The following CTNND2 variants were observed in gnomAD, a reference collection of about 807,000 sequenced individuals.
The protein encoded by CTNND2 is catenin delta-2.
Under a neutral mutation model 144.4 loss-of-function variants are expected in CTNND2, and 22 were observed. The ratio of observed to expected loss-of-function variants is 0.15; its 90% confidence interval spans 0.11 to 0.22. The LOEUF (loss-of-function observed/expected upper bound fraction) is 0.22. Ranked by LOEUF, CTNND2 falls within the 10% of genes least tolerant of loss-of-function variation. The probability of loss-of-function intolerance (pLI) is 1.00; values close to 1 mark genes in which losing one functional copy is unlikely to be tolerated. For synonymous variants in CTNND2, 751 were observed against 695.6 expected (o/e 1.08, Z -1.25); for missense variants, 1,353 against 1,618.8 (o/e 0.84, Z 2.82).
intron 2 of CTNND2, among the ~76,000 whole-genome samples, chr5:11,676,925 C>G (rs1396515132): frequency 6.6e-6 from 1 of 152,172 alleles, no homozygotes; most frequent in African/African-American, 2.4e-5. Context: ...GTTTACCAAA[C>G]ATTTCTCAAA....
chr5:11,204,763 A>T (rs1195156670), intron 10 of CTNND2, among the ~76,000 whole-genome samples: 1 of 152,216 alleles, frequency 6.6e-6, no homozygotes, highest in Non-Finnish European at 1.5e-5. Flanking sequence ...GGATAAAAAA[A>T]TACTTTAAAC....
Position 11,183,929 on chromosome 5 carries a change from C to T in CTNND2, c.1975+15519G>A, listed in dbSNP as rs995183590. On this transcript the variant is annotated intron_variant, in intron 11 of 21. Coordinates refer to ENST00000304623, the MANE Select transcript of CTNND2 (RefSeq NM_001332.4). ...TCTCTGTCCCTCCCTCTTTCTCTTT[C>T]TCTCAAACTCTTTTCTTTCATTACC... is the stretch of plus-strand genomic sequence containing the variant. 2.0e-5 allele frequency among the ~76,000 whole-genome samples: 3 copies of T among 152,112 alleles called. No individual in the cohort carries two copies. The East Asian group carries it at 5.8e-4, about 29-fold the overall frequency.
At chr5:11,673,497 A>G (rs1003777459) in intron 2 of CTNND2, among the ~76,000 whole-genome samples, 5 of 152,210 alleles carry the variant, frequency 3.3e-5, no homozygotes, top group African/African-American at 1.2e-4. Flanking sequence ...GTAAATGATT[A>G]TGCATAAGTT....
At chr5:11,283,295 T>A (rs528674552) in intron 9 of CTNND2, among the ~76,000 whole-genome samples, 4 of 152,222 alleles carry the variant, frequency 2.6e-5, no homozygotes, top group African/African-American at 9.6e-5. Flanking sequence ...GACCACTGTT[T>A]TTGGTATTTT....
chr5:11,228,373 A>C (rs1017703098), intron 10 of CTNND2, among the ~76,000 whole-genome samples: 2 of 149,192 alleles, frequency 1.3e-5, no homozygotes. Flanking sequence ...AAAAAAAAAA[A>C]AAAAAACAAA....
intron 15 of CTNND2, among the ~76,000 whole-genome samples, chr5:11,087,961 T>G (rs1385265097): frequency 6.6e-6 from 1 of 152,198 alleles, no homozygotes; most frequent in African/African-American, 2.4e-5. Flanking sequence ...AGAGGAAGCA[T>G]TCACTGAAGA....
chr5:11,814,955 G>C (rs1792546278), intron 1 of CTNND2, among the ~76,000 whole-genome samples: 1 of 152,146 alleles, frequency 6.6e-6, no homozygotes, highest in Non-Finnish European at 1.5e-5. Flanking sequence ...TATTTTAGTA[G>C]TAAATGCAAT....
At chr5:11,794,462 A>G (rs1791297872) in intron 1 of CTNND2, among the ~76,000 whole-genome samples, 2 of 152,216 alleles carry the variant, frequency 1.3e-5, no homozygotes, top group Non-Finnish European at 2.9e-5. Context: ...CCTTAGATCA[A>G]TGAGAGCGCA....
In CTNND2 at chr5:10,973,856, G is replaced by A; in HGVS notation, c.3418-143C>T. ...ACTGTGGCCCTGCTTCTCCAAAACT[G>A]CCAACTGTCATTGGCTTTCCTTTTG... On this transcript the variant is annotated intron_variant, in intron 21 of 21. Coordinates refer to ENST00000304623, the MANE Select transcript of CTNND2 (RefSeq NM_001332.4). This position sits in a 1 kb window ranked among gnomAD's most constrained non-coding sequence, Gnocchi z 5.6. 1 of 889,650 alleles carries A rather than the reference G, an allele frequency of 1.1e-6. No individual in the cohort carries two copies. The highest frequency in any genetic ancestry group is 1.6e-6 in the Non-Finnish European group (1 of 619,968). 55.1% of individuals were successfully genotyped at this position (889,650 alleles called of 1,614,324 possible). A position where few individuals can be genotyped will look rare whatever the true frequency, so the allele number is the denominator to read the frequency against.
At chr5:11,300,741 T>C (rs1749505717) in intron 9 of CTNND2, among the ~76,000 whole-genome samples, 1 of 152,154 alleles carries the variant, frequency 6.6e-6, no homozygotes, top group African/African-American at 2.4e-5. Flanking sequence ...ATCTTGTATT[T>C]TATCTGGCTA....
intron 2 of CTNND2, among the ~76,000 whole-genome samples, chr5:11,615,389 T>C (rs1398906971): frequency 6.6e-6 from 1 of 152,222 alleles, no homozygotes; most frequent in Non-Finnish European, 1.5e-5. Flanking sequence ...TTTTCCCCTA[T>C]TAATTGAATT....
intron 1 of CTNND2, among the ~76,000 whole-genome samples, chr5:11,754,497 G>C (rs1788807085): frequency 6.6e-6 from 1 of 151,390 alleles, no homozygotes; most frequent in African/African-American, 2.4e-5. Flanking sequence ...GTGTGGAGTT[G>C]AGGTCCCAAA....
At chr5:11,724,536 A>C (rs1786893691) in intron 2 of CTNND2, among the ~76,000 whole-genome samples, 1 of 152,072 alleles carries the variant, frequency 6.6e-6, no homozygotes, top group African/African-American at 2.4e-5. Context: ...AAGCTTATCT[A>C]TTTCGGTGGA....
chr5:11,561,325 C>T (rs765934825), intron 3 of CTNND2, among the ~76,000 whole-genome samples: 2 of 152,100 alleles, frequency 1.3e-5, no homozygotes, highest in Non-Finnish European at 2.9e-5. Flanking sequence ...ATGAAGAATC[C>T]AACAGCTTTT....
chr5:11,476,506 A>C (rs1237957269), intron 3 of CTNND2, among the ~76,000 whole-genome samples: 1 of 152,148 alleles, frequency 6.6e-6, no homozygotes. Context: ...AGTAAACACA[A>C]ACCTGGCTGA....
At chr5:11,179,171 T>C (rs1261166165) in intron 11 of CTNND2, among the ~76,000 whole-genome samples, 2 of 151,616 alleles carry the variant, frequency 1.3e-5, no homozygotes, top group African/African-American at 2.4e-5. Flanking sequence ...AGGTGCCCTG[T>C]AGTCTCAGCT....
intron 3 of CTNND2, among the ~76,000 whole-genome samples, chr5:11,559,702 G>T (rs1287746990): frequency 6.6e-6 from 1 of 152,184 alleles, no homozygotes; most frequent in African/African-American, 2.4e-5. Flanking sequence ...AATCAGAACT[G>T]CCACCTGCTT....
chr5:11,202,271 T>C (rs1199940400), intron 10 of CTNND2, among the ~76,000 whole-genome samples: 2 of 152,182 alleles, frequency 1.3e-5, no homozygotes, highest in Admixed American at 6.5e-5. Context: ...AATTAAATGA[T>C]TAAAATATAT....
chr5:11,108,532 G>A (rs750470091), intron 14 of CTNND2, among the ~76,000 whole-genome samples: 2 of 152,178 alleles, frequency 1.3e-5, no homozygotes, highest in Non-Finnish European at 2.9e-5. Context: ...GATCATGAAA[G>A]AAGACCTACC....
Sources: gnomAD v4.1 joint callset for allele counts (sites outside exome capture counted in the v4.1 genomes callset) on GRCh38, gnomAD v4.1.1 for gene constraint, Gnocchi (gnomAD v3.1) non-coding constraint, MANE v1.5 for transcripts, NCBI Gene and HGNC (gene_info 2026-07-23, HGNC 2026-07-21) for gene names.